Variants in TRIM54 observed in about 807,000 individuals in gnomAD.
TRIM54 encodes the protein tripartite motif-containing protein 54.
TRIM54 carries 40 observed loss-of-function variants against 42.0 expected under a neutral mutation model. The ratio of observed to expected loss-of-function variants is 0.95; its 90% CI spans 0.74 to 1.24. The LOEUF (loss-of-function observed/expected upper bound fraction) is 1.24, where lower values mean the gene tolerates loss of function less well. Ranked by LOEUF, TRIM54 falls within the 50% of genes most tolerant of loss-of-function variation. TRIM54 has a pLI of 0.00. For synonymous variants in TRIM54, 199 were observed against 194.9 expected (o/e 1.02, Z -0.17); for missense variants, 485 against 480.3 (o/e 1.01, Z -0.09).
intron 1 of TRIM54, among the ~76,000 whole-genome samples, chr2:27,288,654 G>A (rs1261053253): frequency 6.6e-6 from 1 of 152,206 alleles, no homozygotes; most frequent in Non-Finnish European, 1.5e-5. Flanking sequence ...TTTGTGCAGT[G>A]CCTTATAATT....
chr2:27,288,446 T>G (rs972787161), intron 1 of TRIM54, among the ~76,000 whole-genome samples: 2 of 152,242 alleles, frequency 1.3e-5, no homozygotes, highest in African/African-American at 4.8e-5. Flanking sequence ...GAAGGCACCG[T>G]AAAGCCTAAA....
chr2:27,286,890 C>G (rs902871489), intron 1 of TRIM54, among the ~76,000 whole-genome samples: 7 of 152,280 alleles, frequency 4.6e-5, no homozygotes, highest in East Asian at 1.9e-4. Context: ...AAGATCCTAC[C>G]CAGCCTGCCT....
intron 1 of TRIM54, among the ~76,000 whole-genome samples, chr2:27,284,866 A>G (rs1350107088): frequency 6.6e-6 from 1 of 152,204 alleles, no homozygotes; most frequent in Non-Finnish European, 1.5e-5. Context: ...GCAGAGGAAT[A>G]GGCCCCATAC....
intron 1 of TRIM54, among the ~76,000 whole-genome samples, chr2:27,284,573 T>G (rs1324934910): frequency 6.6e-6 from 1 of 152,068 alleles, no homozygotes; most frequent in Non-Finnish European, 1.5e-5. Context: ...ATGCTGTGCC[T>G]CCTCGTCCTG....
intron 1 of TRIM54, among the ~76,000 whole-genome samples, chr2:27,290,681 AT>A (rs1198189187): frequency 6.6e-6 from 1 of 152,192 alleles, no homozygotes; most frequent in Non-Finnish European, 1.5e-5. Context: ...AATGATAAGC[AT>A]ACATTATTTT....
rs4665963 is a variant in TRIM54, at chr2:27,305,824, T to C, written c.843+7T>C. 0.3 allele frequency: 470,822 copies of C among 1,581,634 alleles called. 83,833 individuals carry two copies. Among genetic ancestry groups the C allele is most frequent in the African/African-American group, 0.81 (59,747 of 74,124 alleles). On this transcript the variant is annotated splice_region_variant and intron_variant, in intron 5 of 8. Coordinates refer to ENST00000380075, the MANE Select transcript of TRIM54 (RefSeq NM_187841.3). ...AATGGCGCTGTATCTCCAGGTGGGC[T>C]CTAGGGGAGGGTGGCAGCGCTGCAC...
At position 27,298,666 on chromosome 2, in the gene TRIM54, C is replaced by CA. The variant is rs1678937605; in HGVS notation, c.269dup (p.His90GlnfsTer32). On this transcript the variant is annotated frameshift_variant, in exon 2 of 9. Transcript: ENST00000380075. LOFTEE classifies it high-confidence loss of function. ...CAGGCATGAGGTTGTCCTGGACAGACACGGTGTCTACGGCCTGCAGCGAAA... is the reference window on the plus strand; with the variant it reads ...CAGGCATGAGGTTGTCCTGGACAGACAACGGTGTCTACGGCCTGCAGCGAAA... 1 of 1,614,204 alleles carries CA rather than the reference C, an allele frequency of 6.2e-7. No homozygotes were observed.
chr2:27,294,619 T>C (rs191488195), intron 1 of TRIM54, among the ~76,000 whole-genome samples: 2 of 151,990 alleles, frequency 1.3e-5, no homozygotes, highest in Non-Finnish European at 2.9e-5. Context: ...GGGCCAGGCA[T>C]GGTGGCTCAC....
In TRIM54 at chr2:27,282,533, G is replaced by A. The variant is rs148494881; in HGVS notation, c.-199G>A. On this transcript the variant is annotated 5_prime_UTR_variant, in exon 1 of 9. In the 5' UTR this introduces an upstream ATG that the reference lacks. Coordinates refer to ENST00000380075, the MANE Select transcript of TRIM54 (RefSeq NM_187841.3). Reference sequence around the variant, plus strand: ...CTAAAACTACGTGAGCCTGGCGAGGGTGCAGAGCAGAAAGTAGAGACTGTC... The same window carrying A: ...CTAAAACTACGTGAGCCTGGCGAGGATGCAGAGCAGAAAGTAGAGACTGTC... 311 of 484,190 alleles carry A rather than the reference G, an allele frequency of 6.4e-4. 1 individual carries two copies. Among genetic ancestry groups the A allele is most frequent in the African/African-American group, 5.7e-3 (287 of 50,438 alleles). 30.0% of individuals were successfully genotyped at this position (484,190 alleles called of 1,614,324 possible).
chr2:27,282,705 C>A lies in TRIM54; in HGVS notation c.-27C>A. On this transcript the variant is annotated 5_prime_UTR_variant, in exon 1 of 9. Coordinates refer to ENST00000380075, the MANE Select transcript of TRIM54 (RefSeq NM_187841.3). ...CAGTGAGTGAAGGCCAGGAGCAGGG[C>A]CCAGGCCAGGCACGACCACCGAGGG... is the stretch of plus-strand genomic sequence containing the variant. 1 of 1,596,106 alleles carries A rather than the reference C, an allele frequency of 6.3e-7. No individual in the cohort carries two copies. Among genetic ancestry groups the A allele is most frequent in the Non-Finnish European group, 8.5e-7 (1 of 1,172,052 alleles).
In TRIM54 at chr2:27,306,850, C is replaced by T; in HGVS notation, c.*2-37C>T. 2.2e-6 allele frequency: 1 copy of T among 460,066 alleles called. No homozygotes were observed. The highest frequency in any genetic ancestry group is 3.9e-6 in the Non-Finnish European group (1 of 257,992). The allele number at this position is 460,066 out of a possible 1,614,324, so 28.5% of individuals were successfully genotyped here. The stretch of plus-strand genomic sequence containing the variant: ...GGGCTCGAGCTGCCTCGTGCCTTCG[C>T]AGCACCCGCCCACCGAGCCTTCTTT... On this transcript the variant is annotated intron_variant, in intron 8 of 8. Transcript: ENST00000380075. This position sits in a 1 kb window ranked among gnomAD's most constrained non-coding sequence, Gnocchi z 6.1.
chr2:27,298,530 C>A (rs1005467151), intron 1 of TRIM54, 37 bp from the exon 2 acceptor site: 1 of 1,587,534 alleles, frequency 6.3e-7, no homozygotes, highest in Non-Finnish European at 8.6e-7. Flanking sequence ...CTTCATGCCT[C>A]CCCGTGCCTG....
chr2:27,298,536 G>C (rs757141599), intron 1 of TRIM54, 31 bp from the exon 2 acceptor site: 2 of 1,595,178 alleles, frequency 1.3e-6, no homozygotes, highest in East Asian at 2.2e-5. Context: ...GCCTCCCCGT[G>C]CCTGTTCTCT....
chr2:27,304,714 T>G, intron 3 of TRIM54: 2 of 430,144 alleles, frequency 4.6e-6, no homozygotes, highest in Non-Finnish European at 8.4e-6. Context: ...TGGTATCTGG[T>G]GGATGTTTGG....
chr2:27,289,897 A>G (rs1297218515), intron 1 of TRIM54, among the ~76,000 whole-genome samples: 1 of 116,058 alleles, frequency 8.6e-6, no homozygotes, highest in East Asian at 2.7e-4. Flanking sequence ...TTTGAGACAG[A>G]GTCTCGCTCA....
At chr2:27,303,481 C>T (rs1227836157) in intron 3 of TRIM54, among the ~76,000 whole-genome samples, 1 of 151,500 alleles carries the variant, frequency 6.6e-6, no homozygotes, top group Non-Finnish European at 1.5e-5. Context: ...ACCCAGGAGG[C>T]GGAGGTTGCA....
At chr2:27,301,381 C>A (rs1407592657) in intron 3 of TRIM54, among the ~76,000 whole-genome samples, 2 of 152,112 alleles carry the variant, frequency 1.3e-5, no homozygotes, top group African/African-American at 2.4e-5. Context: ...CTCAGGTGAT[C>A]CACTCTCCTT....
chr2:27,298,448 C>T, intron 1 of TRIM54, 119 bp from the exon 2 acceptor site: 1 of 728,458 alleles, frequency 1.4e-6, no homozygotes, highest in Non-Finnish European at 2.3e-6. Context: ...CAGAGAAGAG[C>T]TGACATCTTC....
chr2:27,306,106 A>T lies in TRIM54; in HGVS notation c.866+4A>T. The T allele has an allele frequency of 6.2e-7, 1 of 1,614,036 alleles. No individual in the cohort carries two copies. Among genetic ancestry groups the T allele is most frequent in the Non-Finnish European group, 8.5e-7 (1 of 1,180,036 alleles). ...AGGCCAAGGAGCTGATCAATAAGTG[A>T]GTAGGCATAGCGGGAAGGGAAAGGA... On this transcript the variant is annotated splice_donor_region_variant and intron_variant, in intron 6 of 8. Transcript: ENST00000380075. This position sits in a 1 kb window ranked among gnomAD's most constrained non-coding sequence, Gnocchi z 6.1.
Sources: allele counts gnomAD v4.1 joint callset (sites outside exome capture counted in the v4.1 genomes callset), GRCh38; gene constraint gnomAD v4.1.1; non-coding constraint Gnocchi (gnomAD v3.1); transcripts MANE v1.5; gene names NCBI Gene and HGNC (gene_info 2026-07-23, HGNC 2026-07-21).